Variants in TRMT11 observed in about 807,000 individuals in gnomAD.
TRMT11 encodes tRNA (guanine(10)-N(2))-methyltransferase TRMT11.
A neutral mutation model predicts 62.8 loss-of-function variants in TRMT11; 53 were observed. The observed-to-expected ratio is 0.84, with a 90% CI of 0.68 to 1.06. The LOEUF (loss-of-function observed/expected upper bound fraction) is 1.06, where lower values mean the gene tolerates loss of function less well. TRMT11 is among the 50% of genes least tolerant of loss of function. The probability of loss-of-function intolerance (pLI) is 0.00; values close to 1 mark genes in which losing one functional copy is unlikely to be tolerated. For synonymous variants in TRMT11, 188 were observed against 190.3 expected (o/e 0.99, Z 0.10); for missense variants, 556 against 553.4 (o/e 1.00, Z -0.05).
chr6:126,167,443 C>T (rs1482010903), intron 21 of TRMT11, among the ~76,000 whole-genome samples: 1 of 152,184 alleles, frequency 6.6e-6, no homozygotes, highest in Non-Finnish European at 1.5e-5. Context: ...ATGGGCTGCA[C>T]CCACTGTCTA....
At chr6:126,031,226 GAAA>G (rs1171145893) in intron 12 of TRMT11, among the ~76,000 whole-genome samples, 1 of 151,884 alleles carries the variant, frequency 6.6e-6, no homozygotes, top group Non-Finnish European at 1.5e-5. Flanking sequence ...TGAGAAATAG[GAAA>G]AAAAGCCATT....
the TRMT11 span, among the ~76,000 whole-genome samples, chr6:126,236,853 C>T: frequency 6.6e-6 from 1 of 152,122 alleles, no homozygotes; most frequent in Admixed American, 6.5e-5. Flanking sequence ...ACCCACTTTC[C>T]TAATTGGTCT....
the TRMT11 span, among the ~76,000 whole-genome samples, chr6:126,255,075 T>C: frequency 6.6e-6 from 1 of 152,182 alleles, no homozygotes; most frequent in Non-Finnish European, 1.5e-5. Flanking sequence ...CTTCTTTGTA[T>C]ATAACCTTAA....
intron 21 of TRMT11, among the ~76,000 whole-genome samples, chr6:126,124,399 T>C (rs920181171): frequency 2.0e-5 from 3 of 152,104 alleles, no homozygotes; most frequent in African/African-American, 7.2e-5. Flanking sequence ...CCCTCTTTTT[T>C]AGTGCAGGTG....
At chr6:126,198,614 G>A (rs1020201639) in intron 1 of TRMT11, among the ~76,000 whole-genome samples, 4 of 152,116 alleles carry the variant, frequency 2.6e-5, no homozygotes, top group African/African-American at 9.7e-5. Context: ...CCAACTAGAC[G>A]GGATTAGACC....
chr6:126,107,679 C>T (rs138690157), intron 17 of TRMT11, among the ~76,000 whole-genome samples: 10 of 152,258 alleles, frequency 6.6e-5, no homozygotes, highest in African/African-American at 2.4e-4. Context: ...GCTCAGAATA[C>T]CAAAGGAGCG....
the TRMT11 span, among the ~76,000 whole-genome samples, chr6:126,225,031 G>A: frequency 8.7e-4 from 132 of 152,290 alleles, no homozygotes; most frequent in Non-Finnish European, 1.6e-3. Flanking sequence ...GACAGACAGA[G>A]GGGTGCTCAG....
intron 17 of TRMT11, among the ~76,000 whole-genome samples, chr6:126,063,287 G>A (rs914729680): frequency 2.0e-5 from 3 of 152,146 alleles, no homozygotes; most frequent in Non-Finnish European, 4.4e-5. Flanking sequence ...TGGGCTTTGT[G>A]CATCAATTAA....
chr6:126,153,820 T>C (rs1156530335), intron 21 of TRMT11, among the ~76,000 whole-genome samples: 1 of 152,386 alleles, frequency 6.6e-6, no homozygotes, highest in Non-Finnish European at 1.5e-5. Context: ...CTGCATTGCA[T>C]GTTTTGCACA....
intron 17 of TRMT11, among the ~76,000 whole-genome samples, chr6:126,093,585 G>GTA (rs56176946): frequency 0.017 from 814 of 46,616 alleles, 23 homozygotes; most frequent in East Asian, 0.034. Context: ...GGATATGTAT[G>GTA]TATATATATA....
chr6:126,084,454 A>G (rs1777191937), intron 17 of TRMT11, among the ~76,000 whole-genome samples: 1 of 152,034 alleles, frequency 6.6e-6, no homozygotes, highest in African/African-American at 2.4e-5. Flanking sequence ...CTTGAGTTGT[A>G]TGAGTTCTTT....
At chr6:126,221,338 C>G in the TRMT11 span, among the ~76,000 whole-genome samples, 6 of 152,322 alleles carry the variant, frequency 3.9e-5, no homozygotes, top group East Asian at 1.2e-3. Flanking sequence ...AATCTCCAGA[C>G]TGTTTTCCAC....
chr6:126,002,912 A>G (rs1297253899), intron 7 of TRMT11, among the ~76,000 whole-genome samples: 1 of 152,150 alleles, frequency 6.6e-6, no homozygotes, highest in Non-Finnish European at 1.5e-5. Flanking sequence ...AAAAGGTATC[A>G]TACTGTGTGT....
intron 21 of TRMT11, among the ~76,000 whole-genome samples, chr6:126,129,369 C>T (rs571559723): frequency 7.2e-5 from 11 of 152,218 alleles, no homozygotes; most frequent in Non-Finnish European, 1.6e-4. Flanking sequence ...ATGTGGAATA[C>T]TCACTAATGT....
chr6:126,172,471 GGTAGTTAT>G (rs372024304), upstream of TRMT11, among the ~76,000 whole-genome samples: 3 of 152,158 alleles, frequency 2.0e-5, no homozygotes, highest in African/African-American at 7.2e-5. Context: ...AAGAGTCCCC[GGTAGTTAT>G]GTGATTTTTA....
chr6:126,140,451 G>C (rs1372897379), intron 21 of TRMT11, among the ~76,000 whole-genome samples: 1 of 151,980 alleles, frequency 6.6e-6, no homozygotes, highest in Non-Finnish European at 1.5e-5. Flanking sequence ...CAAGAATTAT[G>C]TGTTTTTTAA....
intron 21 of TRMT11, among the ~76,000 whole-genome samples, chr6:126,125,433 G>C (rs1465419856): frequency 6.6e-6 from 1 of 151,886 alleles, no homozygotes; most frequent in African/African-American, 2.4e-5. Flanking sequence ...GTGTTAAATG[G>C]CATGATTATA....
At chr6:126,080,472 C>G (rs1202820616) in intron 17 of TRMT11, among the ~76,000 whole-genome samples, 1 of 151,980 alleles carries the variant, frequency 6.6e-6, no homozygotes, top group East Asian at 1.9e-4. Flanking sequence ...GTATACTGAC[C>G]TAAGCTAATT....
At chr6:126,179,783 G>C (rs1300248268) in intron 1 of TRMT11, among the ~76,000 whole-genome samples, 5 of 152,122 alleles carry the variant, frequency 3.3e-5, no homozygotes, top group African/African-American at 4.8e-5. Context: ...ACTCAAGCAA[G>C]TAAAATGATT....
Sources: allele counts gnomAD v4.1 joint callset (sites outside exome capture counted in the v4.1 genomes callset), GRCh38; gene constraint gnomAD v4.1.1; transcripts MANE v1.5; gene names NCBI Gene and HGNC (gene_info 2026-07-23, HGNC 2026-07-21).